KDM4B: variants seen among roughly 807,000 people sequenced by gnomAD.
The protein encoded by KDM4B is lysine-specific demethylase 4B.
Under a neutral mutation model 125.2 loss-of-function variants are expected in KDM4B, and 32 were observed. The observed-to-expected ratio is 0.26, with a 90% CI of 0.19 to 0.34. The LOEUF (loss-of-function observed/expected upper bound fraction) is 0.34. Ranked by LOEUF, KDM4B falls within the 10% of genes least tolerant of loss-of-function variation. KDM4B has a pLI of 1.00. For missense variants in KDM4B, 1,190 were observed against 1,577.7 expected, an observed-to-expected ratio of 0.75 and a Z score of 4.16; for synonymous variants, 721 against 677.9, an observed-to-expected ratio of 1.06 and a Z score of -0.99.
At chr19:5,007,582 A>G (rs1172792735) in intron 1 of KDM4B, among the ~76,000 whole-genome samples, 4 of 117,172 alleles carry the variant, frequency 3.4e-5, no homozygotes, top group African/African-American at 1.4e-4. Flanking sequence ...GTATTGTTCC[A>G]TCTCCTAGGC....
At chr19:5,102,067 C>T (rs2038947161) in intron 9 of KDM4B, among the ~76,000 whole-genome samples, 1 of 152,272 alleles carries the variant, frequency 6.6e-6, no homozygotes, top group African/African-American at 2.4e-5. Flanking sequence ...TTTGAGCACC[C>T]CCACCCTTGT....
At chr19:4,978,686 C>T (rs1036082675) in intron 1 of KDM4B, among the ~76,000 whole-genome samples, 1 of 152,148 alleles carries the variant, frequency 6.6e-6, no homozygotes, top group Admixed American at 6.6e-5. Context: ...GGGCAGCTGC[C>T]GTTCATCAAA....
intron 1 of KDM4B, among the ~76,000 whole-genome samples, chr19:4,992,558 C>T (rs2035063194): frequency 6.6e-6 from 1 of 152,116 alleles, no homozygotes; most frequent in South Asian, 2.1e-4. Context: ...AGCAATCCTC[C>T]CACCTCAGCC....
chr19:5,119,663 A>C lies in KDM4B; in HGVS notation c.1126A>C (p.Lys376Gln). ...KAKLLRRSHR[K>Q]RSQPKKPKPE... ...AACCTCCCTCTCCAGGTCTCACCGG[A>C]AACGGAGCCAGCCCAAGAAGCCGAA... Residue 376 changes from lysine to glutamine, a missense_variant, in exon 11 of 23, where the codon AAA becomes CAA. This residue lies in a region of KDM4B where 428 missense variants were observed against 405.1 expected (regional missense o/e 1.06). Coordinates refer to ENST00000159111, the MANE Select transcript of KDM4B (RefSeq NM_015015.3). 6.4e-7 allele frequency: 1 copy of C among 1,555,712 alleles called. No homozygotes were observed. Among genetic ancestry groups the C allele is most frequent in the Non-Finnish European group, 8.7e-7 (1 of 1,149,286 alleles).
At chr19:5,104,571 C>T (rs1186167561) in intron 9 of KDM4B, among the ~76,000 whole-genome samples, 6 of 151,902 alleles carry the variant, frequency 3.9e-5, no homozygotes, top group Admixed American at 3.3e-4. Flanking sequence ...GTTCTGAACC[C>T]GGCAAAGAGC....
intron 9 of KDM4B, among the ~76,000 whole-genome samples, chr19:5,083,370 G>A (rs1403939623): frequency 1.4e-4 from 22 of 152,204 alleles, no homozygotes; most frequent in Non-Finnish European, 3.1e-4. Context: ...TCCCAGTGAC[G>A]GGGACGTGGA....
chr19:5,104,270 A>G (rs897468040), intron 9 of KDM4B, among the ~76,000 whole-genome samples: 1 of 152,126 alleles, frequency 6.6e-6, no homozygotes, highest in Non-Finnish European at 1.5e-5. Context: ...GGCTTCTCAT[A>G]TGTGCTTATT....
chr19:5,148,294 A>C (rs2039886489), intron 21 of KDM4B, among the ~76,000 whole-genome samples: 1 of 152,196 alleles, frequency 6.6e-6, no homozygotes, highest in Admixed American at 6.5e-5. Flanking sequence ...CTGGGAGGAA[A>C]TCAGCCTGAG....
At chr19:4,980,008 G>A (rs1212460511) in intron 1 of KDM4B, among the ~76,000 whole-genome samples, 1 of 152,070 alleles carries the variant, frequency 6.6e-6, no homozygotes, top group African/African-American at 2.4e-5. Flanking sequence ...GGGAGGCTGG[G>A]GCATGAGAAT....
intron 11 of KDM4B, among the ~76,000 whole-genome samples, chr19:5,124,353 G>A (rs2039414257): frequency 6.6e-6 from 1 of 152,224 alleles, no homozygotes. Flanking sequence ...GTGGGTTCAG[G>A]CAGCGAGGAA....
chr19:5,065,031 G>T (rs2037724088), intron 6 of KDM4B, among the ~76,000 whole-genome samples: 1 of 152,216 alleles, frequency 6.6e-6, no homozygotes, highest in African/African-American at 2.4e-5. Flanking sequence ...GGTCAGGTGC[G>T]GTGTGCTTTG....
rs1002722400 is a variant in KDM4B, at chr19:5,035,395, C to A, written c.141+2364C>A. Among the ~76,000 whole-genome samples the A allele has an allele frequency of 3.3e-5, 5 of 152,138 alleles. No homozygotes were observed. The highest frequency in any genetic ancestry group is 1.2e-4 in the African/African-American group (5 of 41,426). On this transcript the variant is annotated intron_variant, in intron 3 of 22. Transcript: ENST00000159111. The surrounding 1 kb of genome is among the most constrained non-coding windows in gnomAD (Gnocchi z 5.3). ...GACCGCCCTGCGCTCTTCCGAGGTG[C>A]CTTTAAATGCCCGCCCCGTCACTTC...
chr19:5,137,365 G>A lies in KDM4B; in HGVS notation c.2385+27G>A. On this transcript the variant is annotated intron_variant, in intron 16 of 22. Transcript: ENST00000159111. ...TAACTCGCTCCCCGCAGCGGGGGTG[G>A]TGCTCTGAGAGGCCTGGGCCCCGGC... The A allele has an allele frequency of 1.9e-6, 3 of 1,546,938 alleles. No homozygotes were observed. The South Asian group carries it at 3.6e-5, about 18-fold the overall frequency.
At chr19:5,040,052 G>A in intron 4 of KDM4B, 41 bp downstream of exon 4, 1 of 1,568,320 alleles carries the variant, frequency 6.4e-7, no homozygotes, top group African/African-American at 1.4e-5. Context: ...CCCGCCCCCG[G>A]GGGCACACCT....
intron 5 of KDM4B, among the ~76,000 whole-genome samples, chr19:5,041,509 G>A (rs1390186882): frequency 6.6e-6 from 1 of 152,206 alleles, no homozygotes; most frequent in African/African-American, 2.4e-5. Context: ...TCTGGCCTCA[G>A]CAGCCGGCCC....
Position 5,077,469 on chromosome 19 carries a change from G to A in KDM4B, c.779G>A (p.Arg260Gln). The A allele has an allele frequency of 1.2e-6, 2 of 1,612,686 alleles. No homozygotes were observed. Among genetic ancestry groups the A allele is most frequent in the Non-Finnish European group, 8.5e-7 (1 of 1,179,448 alleles). ...AAGAAGTACGGGATCCCCTTCAGCC[G>A]GGTGCGTACGGGTGGGGCCTGCACG... is the stretch of plus-strand genomic sequence containing the variant. Reference protein sequence around the residue: ...ILKKYGIPFSRITQEAGEFMI... With the variant: ...ILKKYGIPFSQITQEAGEFMI... Residue 260 changes from arginine (R) to glutamine (Q), a missense_variant and splice_region_variant, in exon 8 of 23, where the codon CGG becomes CAG. Arg to Gln is a conservative substitution (Grantham distance 43). Coordinates refer to ENST00000159111, the MANE Select transcript of KDM4B (RefSeq NM_015015.3).
chr19:5,001,886 A>G (rs1157304873), intron 1 of KDM4B, among the ~76,000 whole-genome samples: 5 of 151,544 alleles, frequency 3.3e-5, no homozygotes, highest in African/African-American at 1.2e-4. Flanking sequence ...GTATCTTCAT[A>G]CTTTTCACTT....
At chr19:4,983,261 G>A (rs2034710968) in intron 1 of KDM4B, among the ~76,000 whole-genome samples, 1 of 151,866 alleles carries the variant, frequency 6.6e-6, no homozygotes, top group South Asian at 2.1e-4. Context: ...ATGCCAGCCT[G>A]GTGCTATAGA....
chr19:5,041,396 C>T (rs961657390), intron 5 of KDM4B, 145 bp downstream of exon 5: 11 of 584,544 alleles, frequency 1.9e-5, no homozygotes, highest in Admixed American at 6.0e-5. Context: ...ATGCGGGCCT[C>T]GCCCTGTGGT....
Sources: allele counts gnomAD v4.1 joint callset (sites outside exome capture counted in the v4.1 genomes callset), GRCh38; gene constraint gnomAD v4.1.1; regional missense constraint gnomAD v4.1.1; non-coding constraint Gnocchi (gnomAD v3.1); transcripts MANE v1.5; gene names NCBI Gene and HGNC (gene_info 2026-07-23, HGNC 2026-07-21).